The following FGF13 variants were observed in gnomAD, a reference collection of about 807,000 sequenced individuals.
The protein encoded by FGF13 is fibroblast growth factor homologous factor 2.
A neutral mutation model predicts 19.5 loss-of-function variants in FGF13; 2 were observed. The observed-to-expected ratio is 0.10, with a 90% CI of 0.04 to 0.32. FGF13 has a LOEUF of 0.32. Among genes scored for constraint, FGF13 ranks in the 10% least tolerant of loss-of-function variants. The pLI, the probability that FGF13 is intolerant of heterozygous loss-of-function variation, is 1.00. For missense variants in FGF13, 113 were observed against 192.7 expected (o/e 0.59, Z 2.45); for synonymous variants, 72 against 76.9 (o/e 0.94, Z 0.33).
At chrX:138,811,422 A>C (rs1172717540) in intron 3 of FGF13, among the ~76,000 whole-genome samples, 1 of 110,172 alleles carries the variant, frequency 9.1e-6, no homozygotes, top group Non-Finnish European at 1.9e-5. Flanking sequence ...AGGAAGGGGA[A>C]CATCACAAAC....
intron 1 of FGF13, among the ~76,000 whole-genome samples, chrX:139,003,965 G>A (rs925206893): frequency 5.3e-5 from 6 of 112,611 alleles, no homozygotes; most frequent in Non-Finnish European, 1.1e-4. Flanking sequence ...TGGCTTCACC[G>A]AGTGGATCCT....
chrX:138,855,280 C>T (rs1174258074), downstream of FGF13, among the ~76,000 whole-genome samples: 4 of 111,656 alleles, frequency 3.6e-5, no homozygotes, highest in African/African-American at 6.5e-5. Context: ...TGTTTTCTTT[C>T]GCCCCCATCT....
chrX:139,066,584 A>G (rs1383648499), intron 1 of FGF13, among the ~76,000 whole-genome samples: 1 of 110,916 alleles, frequency 9.0e-6, no homozygotes, highest in Non-Finnish European at 1.9e-5. Context: ...CTGGACACAT[A>G]TTGAATCCCT....
intron 1 of FGF13, among the ~76,000 whole-genome samples, chrX:139,147,642 A>G (rs181093821): frequency 8.9e-6 from 1 of 111,806 alleles, no homozygotes; most frequent in East Asian, 2.8e-4. Context: ...TCTGGAGGCT[A>G]GAAGTCTGAA....
intron 1 of FGF13, among the ~76,000 whole-genome samples, chrX:138,972,709 C>T (rs140696995): frequency 0.01 from 1,113 of 110,769 alleles, 14 homozygotes; most frequent in African/African-American, 0.032. Flanking sequence ...TTTTAATGGG[C>T]GTGAGATGAT....
chrX:138,626,691 GTTTA>G lies in FGF13; in HGVS notation c.*6155_*6158del, dbSNP rs1298699501. 4 of 111,115 alleles carry G rather than the reference GTTTA, an allele frequency of 3.6e-5. No individual in the cohort carries two copies. The highest frequency in any genetic ancestry group is 9.8e-5 in the African/African-American group (3 of 30,518). The allele number at this position is 111,115 out of a possible 1,213,427, so 9.2% of individuals were successfully genotyped here. A position where few individuals can be genotyped will look rare whatever the true frequency, so the allele number is the denominator to read the frequency against. On this transcript the variant is annotated 3_prime_UTR_variant, in exon 5 of 5. Coordinates refer to ENST00000315930, the MANE Select transcript of FGF13 (RefSeq NM_004114.5). Reference sequence around the variant, plus strand: ...TTCCCTAAGAACAGCAACATGACTTGTTTATTTAGTGTCCTGCTACACACACACA... The same window carrying G: ...TTCCCTAAGAACAGCAACATGACTTGTTTAGTGTCCTGCTACACACACACA...
chrX:138,855,033 CT>C, downstream of FGF13, among the ~76,000 whole-genome samples: 2 of 111,152 alleles, frequency 1.8e-5, no homozygotes, highest in South Asian at 7.6e-4. Context: ...TCTTTTATTT[CT>C]ACTAATTATA....
At chrX:139,109,892 A>G (rs2083588813) in intron 1 of FGF13, among the ~76,000 whole-genome samples, 1 of 111,801 alleles carries the variant, frequency 8.9e-6, no homozygotes, top group South Asian at 3.8e-4. Context: ...CCAGCCTCGA[A>G]GAGGAAAAGA....
intron 1 of FGF13, among the ~76,000 whole-genome samples, chrX:139,056,337 G>A (rs1933403030): frequency 8.9e-6 from 1 of 112,240 alleles, no homozygotes; most frequent in Non-Finnish European, 1.9e-5. Context: ...CTTGAAACCT[G>A]GACAGCCACT....
At chrX:139,112,235 A>G (rs1407310558) in intron 1 of FGF13, among the ~76,000 whole-genome samples, 4 of 111,413 alleles carry the variant, frequency 3.6e-5, no homozygotes, top group African/African-American at 1.3e-4. Flanking sequence ...CATCCGTAAA[A>G]TGGGGGTTAT....
rs11461039 is a variant in FGF13, at chrX:138,867,782, A to AATCTATCTATCT, written c.-112-3144_-112-3133dup. Among the ~76,000 whole-genome samples, 582 of 94,471 alleles carry AATCTATCTATCT rather than the reference A, an allele frequency of 6.2e-3. 6 individuals carry two copies. Among genetic ancestry groups the AATCTATCTATCT allele is most frequent in the African/African-American group, 7.9e-3 (200 of 25,301 alleles). 82.0% of individuals were successfully genotyped at this position (94,471 alleles called of 115,157 possible). A position where few individuals can be genotyped will look rare whatever the true frequency, so the allele number is the denominator to read the frequency against. On this transcript the variant is annotated intron_variant, in intron 1 of 2. Transcript: ENST00000421460. ...CAGCCAAACCGTATCACTGTCTCTA[A>AATCTATCTATCT]ATCTATCTATCTATCTATCTATCTA...
intron 1 of FGF13, among the ~76,000 whole-genome samples, chrX:139,069,357 G>A (rs1432366132): frequency 1.8e-4 from 12 of 66,678 alleles, no homozygotes; most frequent in African/African-American, 2.9e-4. Context: ...GTAAACTATC[G>A]CAAGAACAAA....
chrX:138,784,912 T>C (rs1404922876), intron 3 of FGF13, among the ~76,000 whole-genome samples: 1 of 112,367 alleles, frequency 8.9e-6, no homozygotes, highest in African/African-American at 3.2e-5. Flanking sequence ...CAGGTGAGTG[T>C]TGCTTGAGAA....
rs1254687927 is a variant in FGF13, at chrX:138,865,490, T to TCTCTCTC, written c.-112-847_-112-841dup. Among the ~76,000 whole-genome samples the TCTCTCTC allele has an allele frequency of 4.0e-5, 4 of 100,844 alleles. No homozygotes were observed. In the East Asian group the frequency reaches 1.2e-3, roughly 31 times the overall value. 87.6% of individuals were successfully genotyped at this position (100,844 alleles called of 115,157 possible). The stretch of plus-strand genomic sequence containing the variant: ...CTCTCTCTCCTCTCTCTCTCTCCTC[T>TCTCTCTC]CTCTCTCCTCTCTCTCTCCTCTCTC... On this transcript the variant is annotated intron_variant, in intron 1 of 2. Transcript: ENST00000421460.
chrX:139,154,686 A>G (rs1231429800), intron 1 of FGF13, among the ~76,000 whole-genome samples: 1 of 112,045 alleles, frequency 8.9e-6, no homozygotes, highest in Admixed American at 9.5e-5. Flanking sequence ...ATGATGCGGC[A>G]AGTGTAGTCA....
chrX:138,750,391 T>C (rs982817223), intron 3 of FGF13, among the ~76,000 whole-genome samples: 1 of 111,563 alleles, frequency 9.0e-6, no homozygotes, highest in Non-Finnish European at 1.9e-5. Context: ...ATTTTAATTT[T>C]ATTTCTTTCC....
At chrX:138,891,999 C>CATAT (rs751810416) in intron 1 of FGF13, among the ~76,000 whole-genome samples, 1 of 39,944 alleles carries the variant, frequency 2.5e-5, no homozygotes, top group African/African-American at 1.7e-4. Flanking sequence ...TCTATATATA[C>CATAT]ATATGTGTGT....
At chrX:138,782,339 T>C (rs2090651616) in intron 3 of FGF13, among the ~76,000 whole-genome samples, 1 of 111,694 alleles carries the variant, frequency 9.0e-6, no homozygotes, top group Non-Finnish European at 1.9e-5. Context: ...AAATAAAGGG[T>C]ATTCAATTAG....
At chrX:139,043,235 G>A (rs1419486310) in intron 1 of FGF13, among the ~76,000 whole-genome samples, 1 of 110,527 alleles carries the variant, frequency 9.0e-6, no homozygotes, top group Non-Finnish European at 1.9e-5. Context: ...GGGTGGGGAT[G>A]GAGTCTCACT....
Sources: gnomAD v4.1 joint callset for allele counts (sites outside exome capture counted in the v4.1 genomes callset) on GRCh38, gnomAD v4.1.1 for gene constraint, MANE v1.5 for transcripts, NCBI Gene and HGNC (gene_info 2026-07-23, HGNC 2026-07-21) for gene names.